ABHD16A: variants seen among roughly 807,000 people sequenced by gnomAD.
ABHD16A encodes the protein phosphatidylserine lipase ABHD16A.
In ABHD16A, 47 loss-of-function variants were observed where a neutral mutation model predicts 89.8. The ratio of observed to expected loss-of-function variants is 0.52; its 90% CI spans 0.41 to 0.67. The LOEUF (loss-of-function observed/expected upper bound fraction) is 0.67, where lower values mean the gene tolerates loss of function less well. ABHD16A is among the 30% of genes least tolerant of loss of function. The probability of loss-of-function intolerance (pLI) is 0.00; values close to 1 mark genes in which losing one functional copy is unlikely to be tolerated. For synonymous variants in ABHD16A, 251 were observed against 280.4 expected, an observed-to-expected ratio of 0.90 and a Z score of 1.05; for missense variants, 580 against 734.6, an observed-to-expected ratio of 0.79 and a Z score of 2.43.
chr6:31,686,955 T>A lies in ABHD16A; in HGVS notation c.*257A>T, dbSNP rs707918. On this transcript the variant is annotated 3_prime_UTR_variant, in exon 20 of 20. Transcript: ENST00000395952. The surrounding 1 kb of genome is among the most constrained non-coding windows in gnomAD (Gnocchi z 4.3). ...CACTTGAGAAGTTATACAATTAGCCTGATAGTAGAAAAAATACCTTTTTAT... is the reference window on the plus strand; with the variant it reads ...CACTTGAGAAGTTATACAATTAGCCAGATAGTAGAAAAAATACCTTTTTAT... The A allele has an allele frequency of 0.32, 167,196 of 522,676 alleles. 29,588 individuals carry two copies. The highest frequency in any genetic ancestry group is 0.55 in the African/African-American group (28,623 of 51,822). 32.4% of individuals were successfully genotyped at this position (522,676 alleles called of 1,614,324 possible). A position where few individuals can be genotyped will look rare whatever the true frequency, so the allele number is the denominator to read the frequency against.
In ABHD16A at chr6:31,690,352, T is replaced by C; in HGVS notation, c.907+187A>G. Reference sequence around the variant, plus strand: ...GGAACAGAATGAAAAGCATAATAGCTAGGGACACAGGCCAGGGGAGGGATG... The same window carrying C: ...GGAACAGAATGAAAAGCATAATAGCCAGGGACACAGGCCAGGGGAGGGATG... On this transcript the variant is annotated intron_variant, in intron 10 of 19. Coordinates refer to ENST00000395952, the MANE Select transcript of ABHD16A (RefSeq NM_021160.3). The surrounding 1 kb of genome is among the most constrained non-coding windows in gnomAD (Gnocchi z 4.1). 1 of 701,630 alleles carries C rather than the reference T, an allele frequency of 1.4e-6. No individual in the cohort carries two copies. The highest frequency in any genetic ancestry group is 2.4e-6 in the Non-Finnish European group (1 of 409,246). The allele number at this position is 701,630 out of a possible 1,614,324, so 43.5% of individuals were successfully genotyped here. A position where few individuals can be genotyped will look rare whatever the true frequency, so the allele number is the denominator to read the frequency against.
intron 1 of ABHD16A, 67 bp downstream of exon 1, chr6:31,703,083 G>C: frequency 2.9e-6 from 4 of 1,373,170 alleles, no homozygotes; most frequent in Non-Finnish European, 3.8e-6. Flanking sequence ...GGGCACTTCT[G>C]GGGAGCAAAA....
Position 31,689,719 on chromosome 6 carries a change from G to T in ABHD16A, c.958-15C>A, listed in dbSNP as rs1164388363. Reference sequence around the variant, plus strand: ...AATGGCACCCCCTGCAGGAGAAAGGGCAAAGTCAGGAGTGTGTCAGCACCA... The same window carrying T: ...AATGGCACCCCCTGCAGGAGAAAGGTCAAAGTCAGGAGTGTGTCAGCACCA... On this transcript the variant is annotated splice_polypyrimidine_tract_variant and intron_variant, in intron 11 of 19. Coordinates refer to ENST00000395952, the MANE Select transcript of ABHD16A (RefSeq NM_021160.3). The T allele has an allele frequency of 1.2e-6, 2 of 1,603,738 alleles. No individual in the cohort carries two copies. The highest frequency in any genetic ancestry group is 2.7e-5 in the African/African-American group (2 of 74,926).
chr6:31,699,002 T>C (rs1804644766), intron 4 of ABHD16A, among the ~76,000 whole-genome samples: 2 of 152,164 alleles, frequency 1.3e-5, no homozygotes, highest in Non-Finnish European at 2.9e-5. Context: ...AAAGCAAACA[T>C]TCATGTGACT....
At chr6:31,695,562 A>G (rs1309585849) in intron 5 of ABHD16A, among the ~76,000 whole-genome samples, 1 of 151,898 alleles carries the variant, frequency 6.6e-6, no homozygotes, top group Non-Finnish European at 1.5e-5. Context: ...CATCTCTACT[A>G]AAAATACAAT....
Position 31,693,183 on chromosome 6 carries a change from T to C in ABHD16A, c.504-34A>G, listed in dbSNP as rs761045736. On this transcript the variant is annotated intron_variant, in intron 6 of 19. Transcript: ENST00000395952. The surrounding 1 kb of genome is among the most constrained non-coding windows in gnomAD (Gnocchi z 5.0). Reference sequence around the variant, plus strand: ...GGGAAAGATGCAGGGAAGGATAGGGTCAGGAGCAGCAAGCTGGATGTCTGA... The same window carrying C: ...GGGAAAGATGCAGGGAAGGATAGGGCCAGGAGCAGCAAGCTGGATGTCTGA... 4.4e-6 allele frequency: 7 copies of C among 1,603,682 alleles called. No homozygotes were observed. In the East Asian group the frequency reaches 1.6e-4, roughly 36 times the overall value.
At position 31,693,761 on chromosome 6, in the gene ABHD16A, T is replaced by C. The variant is rs950363765; in HGVS notation, c.430-329A>G. ...GCTAGTGCTTTTGAGTGACGGGTAG[T>C]AGGGGTCGCTGGCTGGTCACGGTCT... On this transcript the variant is annotated intron_variant, in intron 5 of 19. Coordinates refer to ENST00000395952, the MANE Select transcript of ABHD16A (RefSeq NM_021160.3). The surrounding 1 kb of genome is among the most constrained non-coding windows in gnomAD (Gnocchi z 5.0). Among the ~76,000 whole-genome samples, 2 of 152,092 alleles carry C rather than the reference T, an allele frequency of 1.3e-5. No homozygotes were observed. Among genetic ancestry groups the C allele is most frequent in the Non-Finnish European group, 2.9e-5 (2 of 68,014 alleles).
chr6:31,700,323 A>C (rs1239924358), intron 4 of ABHD16A, among the ~76,000 whole-genome samples: 1 of 151,770 alleles, frequency 6.6e-6, no homozygotes, highest in Non-Finnish European at 1.5e-5. Context: ...ACGGGGTTTT[A>C]CCATGTTGGT....
At chr6:31,699,210 T>G (rs1383857701) in intron 4 of ABHD16A, among the ~76,000 whole-genome samples, 1 of 151,634 alleles carries the variant, frequency 6.6e-6, no homozygotes, top group Non-Finnish European at 1.5e-5. Context: ...ATTGAGACCA[T>G]CCTGGCTAAC....
chr6:31,701,085 T>C, intron 3 of ABHD16A, 57 bp from the exon 4 acceptor site: 1 of 1,494,496 alleles, frequency 6.7e-7, no homozygotes, highest in Non-Finnish European at 9.3e-7. Flanking sequence ...CAGCTCCTCT[T>C]CCCAGTTCAG....
intron 4 of ABHD16A, 91 bp downstream of exon 4, chr6:31,700,851 C>A: frequency 2.0e-6 from 2 of 1,014,182 alleles, no homozygotes; most frequent in South Asian, 2.7e-5. Context: ...CTCTCGGAGG[C>A]CCATCACTAA....
rs1804145309 is a variant in ABHD16A, at chr6:31,693,970, C to G, written c.430-538G>C. Among the ~76,000 whole-genome samples, 1 of 150,438 alleles carries G rather than the reference C, an allele frequency of 6.6e-6. No individual in the cohort carries two copies. Among genetic ancestry groups the G allele is most frequent in the African/African-American group, 2.4e-5 (1 of 41,072 alleles). On this transcript the variant is annotated intron_variant, in intron 5 of 19. Coordinates refer to ENST00000395952, the MANE Select transcript of ABHD16A (RefSeq NM_021160.3). This position sits in a 1 kb window ranked among gnomAD's most constrained non-coding sequence, Gnocchi z 5.0. ...CTGACTTCCATCCTCACAACTACAT[C>G]CCTTCCTCAACTCCTGCAGCCATGG...
chr6:31,700,863 A>G, intron 4 of ABHD16A, 79 bp downstream of exon 4: 1 of 1,240,950 alleles, frequency 8.1e-7, no homozygotes, highest in Non-Finnish European at 1.2e-6. Flanking sequence ...CATCACTAAA[A>G]TGTATTTGCA....
intron 1 of ABHD16A, chr6:31,702,903 G>A: frequency 7.6e-7 from 1 of 1,307,506 alleles, no homozygotes; most frequent in South Asian, 2.3e-5. Context: ...GGGTCGGGGG[G>A]ACGCGGAGAG....
At chr6:31,692,946 T>C in intron 7 of ABHD16A, 81 bp downstream of exon 7, 1 of 1,594,500 alleles carries the variant, frequency 6.3e-7, no homozygotes, top group Non-Finnish European at 8.6e-7. Flanking sequence ...ACAGCTATTT[T>C]ACAATGGAGC....
At chr6:31,691,465 T>C (rs1803868694) in intron 9 of ABHD16A, 114 bp downstream of exon 9, 1 of 867,552 alleles carries the variant, frequency 1.2e-6, no homozygotes, top group African/African-American at 1.7e-5. Context: ...AGCTAGGACA[T>C]GAGATTATCC....
At chr6:31,702,492 G>T in intron 1 of ABHD16A, 1 of 996,224 alleles carries the variant, frequency 1.0e-6, no homozygotes, top group Non-Finnish European at 1.4e-6. Context: ...GGAAAGAAAA[G>T]CATCAGAAAT....
At position 31,693,884 on chromosome 6, in the gene ABHD16A, G is replaced by C. The variant is rs903352804; in HGVS notation, c.430-452C>G. 1.3e-5 allele frequency among the ~76,000 whole-genome samples: 2 copies of C among 152,202 alleles called. No individual in the cohort carries two copies. Among genetic ancestry groups the C allele is most frequent in the Non-Finnish European group, 2.9e-5 (2 of 68,030 alleles). On this transcript the variant is annotated intron_variant, in intron 5 of 19. Transcript: ENST00000395952. The surrounding 1 kb of genome is among the most constrained non-coding windows in gnomAD (Gnocchi z 5.0). The stretch of plus-strand genomic sequence containing the variant: ...ACCCAAGGTTGAGTGAGACAGAGAG[G>C]AGGGAAGTCACGCCCACAGTGGGCT...
At position 31,693,276 on chromosome 6, in the gene ABHD16A, G is replaced by GGGT; in HGVS notation, c.503+82_503+83insACC. 6.3e-7 allele frequency: 1 copy of GGGT among 1,591,658 alleles called. No homozygotes were observed. Among genetic ancestry groups the GGGT allele is most frequent in the South Asian group, 1.1e-5 (1 of 90,104 alleles). On this transcript the variant is annotated intron_variant, in intron 6 of 19. Coordinates refer to ENST00000395952, the MANE Select transcript of ABHD16A (RefSeq NM_021160.3). This position sits in a 1 kb window ranked among gnomAD's most constrained non-coding sequence, Gnocchi z 5.0. ...GGAAGGCAGGCACTGTGACCTGAGA[G>GGGT]GGCATGGAGGTGGGAGGGCAGAGCA... is the stretch of plus-strand genomic sequence containing the variant.
Sources: gnomAD v4.1 joint callset for allele counts (sites outside exome capture counted in the v4.1 genomes callset) on GRCh38, gnomAD v4.1.1 for gene constraint, Gnocchi (gnomAD v3.1) non-coding constraint, MANE v1.5 for transcripts, NCBI Gene and HGNC (gene_info 2026-07-23, HGNC 2026-07-21) for gene names.